Variants in RCOR2 observed in about 807,000 individuals in gnomAD.
The protein encoded by RCOR2 is REST corepressor 2.
RCOR2 carries 19 observed loss-of-function variants against 58.9 expected under a neutral mutation model. The observed-to-expected ratio is 0.32, with a 90% CI of 0.23 to 0.47. The LOEUF is 0.47. RCOR2 is among the 20% of genes least tolerant of loss of function. The probability of loss-of-function intolerance (pLI) is 1.00; values close to 1 mark genes in which losing one functional copy is unlikely to be tolerated. For synonymous variants in RCOR2, 286 were observed against 278.7 expected (o/e 1.03, Z -0.26); for missense variants, 590 against 707.9 (o/e 0.83, Z 1.89).
chr11:63,918,974 C>G (rs930646376), upstream of RCOR2, among the ~76,000 whole-genome samples: 1 of 152,212 alleles, frequency 6.6e-6, no homozygotes, highest in Non-Finnish European at 1.5e-5. Context: ...CCCTCTTCCC[C>G]GCCTCCTAAG....
At chr11:63,923,548 GT>G in the RCOR2 span, among the ~76,000 whole-genome samples, 2 of 152,130 alleles carry the variant, frequency 1.3e-5, no homozygotes, top group Non-Finnish European at 2.9e-5. Context: ...CATTTAGCGG[GT>G]ATGTTCTCAC....
chr11:63,912,355 C>A lies in RCOR2; in HGVS notation c.1207G>T (p.Ala403Ser). The A allele has an allele frequency of 6.2e-7, 1 of 1,613,780 alleles. No individual in the cohort carries two copies. Among genetic ancestry groups the A allele is most frequent in the Non-Finnish European group, 8.5e-7 (1 of 1,179,952 alleles). Residue 403 changes from alanine (A) to serine (S), a missense_variant, in exon 11 of 12, where the codon GCT becomes TCT. Coordinates refer to ENST00000301459, the MANE Select transcript of RCOR2 (RefSeq NM_173587.4). ...APGAPVPMEE[A>S]RRGAPLPAPA... ...GCTGGCAATGGAGCCCCTCTCCTAG[C>A]CTCCTCCATGGGGACTGGGGCTCCA... is the stretch of plus-strand genomic sequence containing the variant.
chr11:63,912,959 AG>A lies in RCOR2; in HGVS notation c.892-13del. On this transcript the variant is annotated splice_polypyrimidine_tract_variant and intron_variant, in intron 8 of 11. Coordinates refer to ENST00000301459, the MANE Select transcript of RCOR2 (RefSeq NM_173587.4). Reference sequence around the variant, plus strand: ...TTCATGCTCTGTACCTGGGAAGGCCAGGAAGTGGAGGAATATCAGACTCCCA... The same window carrying A: ...TTCATGCTCTGTACCTGGGAAGGCCAGAAGTGGAGGAATATCAGACTCCCA... The A allele has an allele frequency of 6.2e-7, 1 of 1,609,222 alleles. No homozygotes were observed. The highest frequency in any genetic ancestry group is 1.7e-4 in the Middle Eastern group (1 of 6,056).
the RCOR2 span, among the ~76,000 whole-genome samples, chr11:63,923,920 T>C: frequency 3.3e-5 from 5 of 152,238 alleles, no homozygotes; most frequent in Non-Finnish European, 7.3e-5. Flanking sequence ...ATTTTATTTA[T>C]TCATTGAGGC....
chr11:63,924,655 ACT>A, the RCOR2 span, among the ~76,000 whole-genome samples: 4 of 151,432 alleles, frequency 2.6e-5, no homozygotes, highest in Admixed American at 1.3e-4. Flanking sequence ...CCCCCACTGG[ACT>A]CTCTGCCTCC....
chr11:63,924,855 A>ATTTTTTTT, the RCOR2 span, among the ~76,000 whole-genome samples: 1 of 143,726 alleles, frequency 7.0e-6, no homozygotes. Flanking sequence ...AGCCAAGGTG[A>ATTTTTTTT]TTTTTTTTTT....
At chr11:63,913,500 T>TTTTTTTTTTTTTTTGGG (rs1590734528) in intron 8 of RCOR2, among the ~76,000 whole-genome samples, 1 of 147,322 alleles carries the variant, frequency 6.8e-6, no homozygotes, top group Non-Finnish European at 1.5e-5. Flanking sequence ...TATTTTTTTT[T>TTTTTTTTTTTTTTTGGG]GAGACGGAAT....
upstream of RCOR2, among the ~76,000 whole-genome samples, chr11:63,921,306 C>A (rs961825173): frequency 6.6e-6 from 1 of 152,168 alleles, no homozygotes; most frequent in Admixed American, 6.5e-5. Context: ...ACCGCATGGA[C>A]CAAGGGGGTC....
upstream of RCOR2, among the ~76,000 whole-genome samples, chr11:63,918,885 C>T (rs1590738690): frequency 6.6e-6 from 1 of 152,110 alleles, no homozygotes; most frequent in Admixed American, 6.5e-5. Flanking sequence ...TTCTTGCCTC[C>T]CTACTCCAGG....
chr11:63,913,500 T>TTTTTTTTTTTTTA (rs1590734528), intron 8 of RCOR2, among the ~76,000 whole-genome samples: 1 of 147,322 alleles, frequency 6.8e-6, no homozygotes, highest in African/African-American at 2.5e-5. Context: ...TATTTTTTTT[T>TTTTTTTTTTTTTA]GAGACGGAAT....
In RCOR2 at chr11:63,914,541, G is replaced by C. The variant is rs748170476; in HGVS notation, c.481C>G (p.Leu161Val). ...GKCFQRIQQM[L>V]PDKLIPSLVK... ...AGGCTGGGAATCAACTTGTCAGGCA[G>C]CTGGAGGAGGCAACGCCAGAAGCTG... The change falls in exon 6 of 12, where the codon CTG (leucine) becomes GTG (valine). Residue 161 changes from leucine (L) to valine (V), a missense_variant and splice_region_variant. This residue lies in a region of RCOR2 where 390 missense variants were observed against 478.7 expected (regional missense o/e 0.81). Coordinates refer to ENST00000301459, the MANE Select transcript of RCOR2 (RefSeq NM_173587.4). 6.2e-7 allele frequency: 1 copy of C among 1,613,652 alleles called. No individual in the cohort carries two copies. Among genetic ancestry groups the C allele is most frequent in the Non-Finnish European group, 8.5e-7 (1 of 1,180,018 alleles).
At position 63,915,565 on chromosome 11, in the gene RCOR2, C is replaced by T. The variant is rs1436997234; in HGVS notation, c.174G>A (p.Glu58=). 1 of 1,561,654 alleles carries T rather than the reference C, an allele frequency of 6.4e-7. No individual in the cohort carries two copies. Among genetic ancestry groups the T allele is most frequent in the East Asian group, 2.3e-5 (1 of 42,910 alleles). ...VGTNYQAVIP[E]CKPESPARYS... is the part of the protein sequence containing the mutation. ...TGTCCTGCGGCTCACCAGGCTTGCA[C>T]TCCGGAATTACGGCCTGGTAATTGG... The change falls in exon 2 of 12, where the codon GAG becomes GAA. Residue 58 remains glutamate (E), a synonymous_variant. Coordinates refer to ENST00000301459, the MANE Select transcript of RCOR2 (RefSeq NM_173587.4).
At chr11:63,926,179 G>A in the RCOR2 span, among the ~76,000 whole-genome samples, 1 of 151,982 alleles carries the variant, frequency 6.6e-6, no homozygotes, top group Non-Finnish European at 1.5e-5. Flanking sequence ...CCAAAGTGCT[G>A]GGATTACAGG....
At chr11:63,926,797 G>C in the RCOR2 span, among the ~76,000 whole-genome samples, 2 of 133,116 alleles carry the variant, frequency 1.5e-5, no homozygotes, top group Admixed American at 1.6e-4. Context: ...TTTTTGTTTT[G>C]TTTTTTTTGT....
In RCOR2 at chr11:63,916,998, GACGGCGCGC is replaced by G. The variant is rs1017832153; in HGVS notation, c.-551_-543del. Among the ~76,000 whole-genome samples the G allele has an allele frequency of 3.1e-4, 45 of 146,838 alleles. No individual in the cohort carries two copies. Among genetic ancestry groups the G allele is most frequent in the East Asian group, 7.9e-4 (4 of 5,094 alleles). On this transcript the variant is annotated 5_prime_UTR_variant, in exon 1 of 12. Transcript: ENST00000301459. ...GCGGCGGCGGCGGCGACGGCGGCGGGACGGCGCGCACGGCGCGCGGCGCTGGGCAGAGTT... is the reference window on the plus strand; with the variant it reads ...GCGGCGGCGGCGGCGACGGCGGCGGGACGGCGCGCGGCGCTGGGCAGAGTT...
chr11:63,920,233 C>T (rs1941906157), upstream of RCOR2, among the ~76,000 whole-genome samples: 1 of 152,238 alleles, frequency 6.6e-6, no homozygotes, highest in Admixed American at 6.5e-5. Context: ...TTGCCTTCAC[C>T]GGGCTTCTCT....
the RCOR2 span, among the ~76,000 whole-genome samples, chr11:63,926,520 A>G: frequency 1.2e-5 from 1 of 86,154 alleles, no homozygotes; most frequent in Non-Finnish European, 2.2e-5. Context: ...TGTTTGTTTG[A>G]GACAGAGTCT....
chr11:63,912,573 C>A (rs320109), intron 10 of RCOR2, 39 bp from the exon 11 acceptor site: 680,993 of 1,589,442 alleles, frequency 0.43, 151,481 homozygotes, highest in South Asian at 0.54. Flanking sequence ...AATACCCCTT[C>A]GAACTAGTTA....
At chr11:63,918,908 AC>A (rs1406264202), upstream of RCOR2, among the ~76,000 whole-genome samples, 4 of 151,536 alleles carry the variant, frequency 2.6e-5, no homozygotes, top group African/African-American at 9.7e-5. Flanking sequence ...TGCCCCAGGT[AC>A]CCCCAGTCTC....
Sources: gnomAD v4.1 joint callset for allele counts (sites outside exome capture counted in the v4.1 genomes callset) on GRCh38, gnomAD v4.1.1 for gene constraint, gnomAD v4.1.1 regional missense constraint, MANE v1.5 for transcripts, NCBI Gene and HGNC (gene_info 2026-07-23, HGNC 2026-07-21) for gene names.